The following EGFL6 variants were observed in gnomAD, a reference collection of about 807,000 sequenced individuals.
The protein encoded by EGFL6 is epidermal growth factor-like protein 6.
EGFL6 carries 42 observed loss-of-function variants against 43.1 expected under a neutral mutation model. That is an observed-to-expected ratio of 0.98 (90% CI 0.76 to 1.26). The LOEUF (loss-of-function observed/expected upper bound fraction) is 1.26. EGFL6 is among the 50% of genes most tolerant of loss of function. EGFL6 has a pLI of 0.00. For synonymous variants in EGFL6, 164 were observed against 163.2 expected (o/e 1.01, Z -0.04); for missense variants, 429 against 427.8 (o/e 1.00, Z -0.02).
intron 1 of EGFL6, among the ~76,000 whole-genome samples, chrX:13,570,613 G>A (rs189579927): frequency 1.8e-5 from 2 of 111,805 alleles, no homozygotes; most frequent in African/African-American, 6.5e-5. Flanking sequence ...CCAGAGATCG[G>A]CAAAGACGCT....
chrX:13,581,467 G>A (rs139940862), intron 1 of EGFL6, among the ~76,000 whole-genome samples: 2,110 of 111,659 alleles, frequency 0.019, 38 homozygotes, highest in African/African-American at 0.062. Context: ...CAAAACCACC[G>A]CCAACAAAAA....
rs111651980 is a variant in EGFL6, at chrX:13,600,188, T to A, written c.400+94T>A. Reference sequence around the variant, plus strand: ...GGAAAAGCTGACTTCAGTGATTTTTTAAAAAATCTCTAATATTGCCCCCAG... The same window carrying A: ...GGAAAAGCTGACTTCAGTGATTTTTAAAAAAATCTCTAATATTGCCCCCAG... On this transcript the variant is annotated intron_variant, in intron 4 of 11. Coordinates refer to ENST00000361306, the MANE Select transcript of EGFL6 (RefSeq NM_015507.4). The A allele has an allele frequency of 2.9e-3, 2,710 of 935,919 alleles. 5 individuals are homozygous for A. Among genetic ancestry groups the A allele is most frequent in the Non-Finnish European group, 3.6e-3 (2,523 of 703,376 alleles). The allele number at this position is 935,919 out of a possible 1,213,427, so 77.1% of individuals were successfully genotyped here. A position where few individuals can be genotyped will look rare whatever the true frequency, so the allele number is the denominator to read the frequency against.
chrX:13,618,430 T>A (rs1199292750), intron 8 of EGFL6, among the ~76,000 whole-genome samples: 2 of 112,825 alleles, frequency 1.8e-5, no homozygotes, highest in African/African-American at 6.4e-5. Context: ...TCTGCTAAGC[T>A]CTACCTTTTT....
chrX:13,579,832 A>C (rs777346645), intron 1 of EGFL6, among the ~76,000 whole-genome samples: 3 of 110,876 alleles, frequency 2.7e-5, no homozygotes, highest in African/African-American at 9.9e-5. Flanking sequence ...GCGTACTCAC[A>C]TGGCTGTTGG....
chrX:13,572,042 T>C (rs1435970737), intron 1 of EGFL6, among the ~76,000 whole-genome samples: 1 of 112,574 alleles, frequency 8.9e-6, no homozygotes, highest in Non-Finnish European at 1.9e-5. Flanking sequence ...TCTTAAATGG[T>C]ATTTAGTGCA....
intron 4 of EGFL6, among the ~76,000 whole-genome samples, chrX:13,602,231 G>A (rs936272275): frequency 9.0e-6 from 1 of 110,877 alleles, no homozygotes; most frequent in Admixed American, 9.6e-5. Context: ...TGATTGGCAC[G>A]TTCTGGAGGG....
Position 13,633,196 on chromosome X carries a change from T to A in EGFL6, c.*101T>A. 1 of 633,992 alleles carries A rather than the reference T, an allele frequency of 1.6e-6. No individual in the cohort carries two copies. The highest frequency in any genetic ancestry group is 2.4e-6 in the Non-Finnish European group (1 of 421,820). The allele number at this position is 633,992 out of a possible 1,213,427, so 52.2% of individuals were successfully genotyped here. A position where few individuals can be genotyped will look rare whatever the true frequency, so the allele number is the denominator to read the frequency against. ...ATTTTAGAATTACTAGCTGAAAAAT[T>A]GTAATGTACCAACAGAAATATTATT... On this transcript the variant is annotated 3_prime_UTR_variant, in exon 12 of 12. Coordinates refer to ENST00000361306, the MANE Select transcript of EGFL6 (RefSeq NM_015507.4).
intron 11 of EGFL6, among the ~76,000 whole-genome samples, chrX:13,632,499 T>TTA (rs2045818516): frequency 9.2e-6 from 1 of 108,638 alleles, no homozygotes; most frequent in African/African-American, 3.4e-5. Context: ...AGACGGGGTT[T>TTA]CACTGTGTGT....
chrX:13,602,394 A>T (rs2045638577), intron 4 of EGFL6, among the ~76,000 whole-genome samples: 1 of 112,506 alleles, frequency 8.9e-6, no homozygotes, highest in Non-Finnish European at 1.9e-5. Context: ...ATATTTAGCA[A>T]CAAGTGACAA....
At chrX:13,606,899 C>G (rs1224546591) in intron 6 of EGFL6, among the ~76,000 whole-genome samples, 2 of 111,995 alleles carry the variant, frequency 1.8e-5, no homozygotes, top group African/African-American at 6.5e-5. Context: ...ATAACAAGGT[C>G]TATCTAATCT....
At chrX:13,592,312 C>T (rs940678117) in intron 2 of EGFL6, among the ~76,000 whole-genome samples, 3 of 111,570 alleles carry the variant, frequency 2.7e-5, no homozygotes, top group Non-Finnish European at 5.6e-5. Flanking sequence ...AAATTAAATT[C>T]TCTCTCTTTT....
intron 9 of EGFL6, among the ~76,000 whole-genome samples, chrX:13,623,590 T>A (rs2045762095): frequency 1.9e-5 from 2 of 107,319 alleles, no homozygotes; most frequent in Admixed American, 2.0e-4. Flanking sequence ...GCCAGGCTGG[T>A]CTTGAACTCC....
chrX:13,603,846 A>G (rs1469536781), intron 5 of EGFL6, among the ~76,000 whole-genome samples: 1 of 112,064 alleles, frequency 8.9e-6, no homozygotes, highest in Non-Finnish European at 1.9e-5. Context: ...TTTAGATATA[A>G]CATTATTGAA....
intron 1 of EGFL6, among the ~76,000 whole-genome samples, chrX:13,585,012 G>C (rs1160954587): frequency 9.0e-6 from 1 of 111,676 alleles, no homozygotes; most frequent in East Asian, 2.8e-4. Flanking sequence ...CTGCTTTCGT[G>C]GTACTGTTTT....
At chrX:13,604,509 T>C (rs1043204719) in intron 5 of EGFL6, among the ~76,000 whole-genome samples, 2 of 111,267 alleles carry the variant, frequency 1.8e-5, no homozygotes, top group African/African-American at 3.3e-5. Flanking sequence ...CACAATGTTG[T>C]AGGTGCAGCA....
At chrX:13,599,528 G>C (rs1037849680) in intron 3 of EGFL6, among the ~76,000 whole-genome samples, 3 of 110,428 alleles carry the variant, frequency 2.7e-5, no homozygotes, top group African/African-American at 9.9e-5. Context: ...GTTGTCGTTT[G>C]TTCAGTTTCA....
chrX:13,570,558 G>A (rs1245300813), intron 1 of EGFL6, among the ~76,000 whole-genome samples: 4 of 111,822 alleles, frequency 3.6e-5, no homozygotes, highest in Non-Finnish European at 7.5e-5. Context: ...CTCTGAAGCC[G>A]TTCCCTACTG....
intron 1 of EGFL6, among the ~76,000 whole-genome samples, chrX:13,582,430 C>G (rs2045512312): frequency 1.8e-5 from 2 of 111,075 alleles, no homozygotes; most frequent in Non-Finnish European, 3.8e-5. Context: ...TGGCAAATCT[C>G]CTATATCTTT....
chrX:13,612,778 A>G (rs762919124), intron 7 of EGFL6, among the ~76,000 whole-genome samples: 10 of 112,836 alleles, frequency 8.9e-5, no homozygotes, highest in African/African-American at 3.2e-4. Context: ...TCTAGTTAGC[A>G]TTCAGCATTA....
Sources: allele counts gnomAD v4.1 joint callset (sites outside exome capture counted in the v4.1 genomes callset), GRCh38; gene constraint gnomAD v4.1.1; transcripts MANE v1.5; gene names NCBI Gene and HGNC (gene_info 2026-07-23, HGNC 2026-07-21).